Variants in ATXN1 observed in about 807,000 individuals in gnomAD.
ATXN1 encodes ataxin-1.
A neutral mutation model predicts 56.4 loss-of-function variants in ATXN1; 8 were observed. The observed-to-expected ratio is 0.14, with a 90% confidence interval of 0.08 to 0.26. The LOEUF (loss-of-function observed/expected upper bound fraction) is 0.26. Among genes scored for constraint, ATXN1 ranks in the 10% least tolerant of loss-of-function variants. The pLI, the probability that ATXN1 is intolerant of heterozygous loss-of-function variation, is 1.00. For missense variants in ATXN1, 987 were observed against 1,106.5 expected, an observed-to-expected ratio of 0.89 and a Z score of 1.53; for synonymous variants, 514 against 494.6, an observed-to-expected ratio of 1.04 and a Z score of -0.52.
At chr6:16,635,450 A>G (rs1031607086) in intron 3 of ATXN1, among the ~76,000 whole-genome samples, 1 of 152,186 alleles carries the variant, frequency 6.6e-6, no homozygotes, top group African/African-American at 2.4e-5. Context: ...CCCTGGTGCC[A>G]AAAAGGTTAG....
chr6:16,390,827 T>C (rs1459300125), intron 6 of ATXN1, among the ~76,000 whole-genome samples: 1 of 152,036 alleles, frequency 6.6e-6, no homozygotes, highest in Non-Finnish European at 1.5e-5. Flanking sequence ...CTGGCGTCAG[T>C]AACAGGTCCT....
intron 2 of ATXN1, among the ~76,000 whole-genome samples, chr6:16,716,950 T>C (rs559409371): frequency 1.3e-5 from 2 of 152,286 alleles, no homozygotes; most frequent in Admixed American, 1.3e-4. Flanking sequence ...AAGGGACTTA[T>C]AAGAAGGACA....
At chr6:16,587,794 G>A (rs1762652338) in intron 3 of ATXN1, among the ~76,000 whole-genome samples, 1 of 151,978 alleles carries the variant, frequency 6.6e-6, no homozygotes, top group African/African-American at 2.4e-5. Context: ...AGCCAGGCAT[G>A]GTGGTGGGCG....
intron 2 of ATXN1, among the ~76,000 whole-genome samples, chr6:16,673,020 C>CAAAAAAAAAAAAAAAAA (rs559212594): frequency 1.1e-4 from 12 of 105,458 alleles, no homozygotes; most frequent in South Asian, 6.3e-4. Context: ...TCCCCCCCGC[C>CAAAAAAAAAAAAAAAAA]AAAAAAAAAA....
intron 3 of ATXN1, among the ~76,000 whole-genome samples, chr6:16,593,973 AATT>A (rs1327437214): frequency 1.3e-5 from 2 of 148,532 alleles, no homozygotes; most frequent in Non-Finnish European, 3.0e-5. Context: ...ATATTAGTCT[AATT>A]ATTATATATT....
At position 16,326,507 on chromosome 6, in the gene ATXN1, C is replaced by A. The variant is rs1760808820; in HGVS notation, c.1804G>T (p.Ala602Ser). The change falls in exon 7 of 8, where the codon GCA (alanine) becomes TCA (serine). Residue 602 changes from alanine to serine, a missense_variant. Around this residue, in one of 3 missense-constraint regions of ATXN1, gnomAD observed 68 missense variants for 118.1 expected, o/e 0.58. Transcript: ENST00000436367. This position sits in a 1 kb window ranked among gnomAD's most constrained non-coding sequence, Gnocchi z 6.6. Reference protein sequence around the residue: ...DLKTEDFIQSAEISNDLKIDS... With the variant: ...DLKTEDFIQSSEISNDLKIDS... ...ATCTTCAGGTCGTTGCTTATCTCTGCACTCTGGATGAAATCTTCTGTTTTT... is the reference window on the plus strand; with the variant it reads ...ATCTTCAGGTCGTTGCTTATCTCTGAACTCTGGATGAAATCTTCTGTTTTT... 6.2e-7 allele frequency: 1 copy of A among 1,614,198 alleles called. No individual in the cohort carries two copies. Among genetic ancestry groups the A allele is most frequent in the Non-Finnish European group, 8.5e-7 (1 of 1,180,044 alleles).
At position 16,328,562 on chromosome 6, in the gene ATXN1, A is replaced by T; in HGVS notation, c.-160-92T>A. ...GACATCAGAACATGAGCACCGGGGA[A>T]AGAACATCTTTGGCAAGATTAAGAC... is the stretch of plus-strand genomic sequence containing the variant. On this transcript the variant is annotated intron_variant, in intron 6 of 7. Transcript: ENST00000436367. This position sits in a 1 kb window ranked among gnomAD's most constrained non-coding sequence, Gnocchi z 6.2. 1 of 510,230 alleles carries T rather than the reference A, an allele frequency of 2.0e-6. No homozygotes were observed. The allele number at this position is 510,230 out of a possible 1,614,324, so 31.6% of individuals were successfully genotyped here. A position where few individuals can be genotyped will look rare whatever the true frequency, so the allele number is the denominator to read the frequency against.
At chr6:16,646,282 C>T (rs1037372262) in intron 3 of ATXN1, among the ~76,000 whole-genome samples, 2 of 152,156 alleles carry the variant, frequency 1.3e-5, no homozygotes, top group Admixed American at 1.3e-4. Context: ...TAAGTAAATT[C>T]CTGCTAAGAG....
intron 3 of ATXN1, among the ~76,000 whole-genome samples, chr6:16,592,471 G>C (rs1002841837): frequency 6.6e-6 from 1 of 152,082 alleles, no homozygotes; most frequent in African/African-American, 2.4e-5. Flanking sequence ...AAAAGAACAG[G>C]TTTCTCATAA....
chr6:16,673,751 A>G (rs527923295), intron 2 of ATXN1, among the ~76,000 whole-genome samples: 2 of 152,136 alleles, frequency 1.3e-5, no homozygotes, highest in South Asian at 4.1e-4. Flanking sequence ...TCCTGAGCTC[A>G]GGCGATCCTC....
intron 6 of ATXN1, among the ~76,000 whole-genome samples, chr6:16,346,719 TGGC>T (rs1761401687): frequency 6.6e-6 from 1 of 151,502 alleles, no homozygotes; most frequent in African/African-American, 2.5e-5. Context: ...GACAGCATAC[TGGC>T]AGCCCTCACA....
At chr6:16,670,705 G>T (rs553134755) in intron 2 of ATXN1, among the ~76,000 whole-genome samples, 1 of 152,170 alleles carries the variant, frequency 6.6e-6, no homozygotes, top group Non-Finnish European at 1.5e-5. Flanking sequence ...ATTACTGCTT[G>T]AAAGGCCACA....
intron 2 of ATXN1, among the ~76,000 whole-genome samples, chr6:16,742,719 C>G (rs1760384240): frequency 6.6e-6 from 1 of 152,186 alleles, no homozygotes; most frequent in Non-Finnish European, 1.5e-5. Flanking sequence ...TGGATGGTCA[C>G]CCGGCCGGCC....
chr6:16,578,729 G>C (rs1427594535), intron 4 of ATXN1, among the ~76,000 whole-genome samples: 2 of 147,324 alleles, frequency 1.4e-5, no homozygotes, highest in Admixed American at 1.3e-4. Flanking sequence ...GATAACTAGA[G>C]TAGCAGGAAA....
chr6:16,661,335 A>T (rs547868351), intron 2 of ATXN1, among the ~76,000 whole-genome samples: 1 of 152,122 alleles, frequency 6.6e-6, no homozygotes, highest in Non-Finnish European at 1.5e-5. Flanking sequence ...AAATAATTTT[A>T]TAAGCATGAA....
intron 4 of ATXN1, among the ~76,000 whole-genome samples, chr6:16,530,926 C>T (rs1435448295): frequency 6.6e-6 from 1 of 152,178 alleles, no homozygotes; most frequent in Non-Finnish European, 1.5e-5. Context: ...ATGCTTAATA[C>T]TCTTCAACTG....
intron 4 of ATXN1, among the ~76,000 whole-genome samples, chr6:16,540,356 C>T (rs745901600): frequency 1.3e-5 from 2 of 152,090 alleles, no homozygotes; most frequent in South Asian, 2.1e-4. Context: ...GGACTACAGG[C>T]GCGTGCCACC....
At chr6:16,494,353 A>G (rs1191536389) in intron 5 of ATXN1, among the ~76,000 whole-genome samples, 1 of 152,246 alleles carries the variant, frequency 6.6e-6, no homozygotes, top group Non-Finnish European at 1.5e-5. Context: ...TTGGATACCT[A>G]GCATGCACTC....
chr6:16,608,216 T>C (rs1763045712), intron 3 of ATXN1, among the ~76,000 whole-genome samples: 1 of 152,226 alleles, frequency 6.6e-6, no homozygotes, highest in African/African-American at 2.4e-5. Context: ...GCTCTACATC[T>C]GTCTGCCTAT....
Sources: allele counts gnomAD v4.1 joint callset (sites outside exome capture counted in the v4.1 genomes callset), GRCh38; gene constraint gnomAD v4.1.1; regional missense constraint gnomAD v4.1.1; non-coding constraint Gnocchi (gnomAD v3.1); transcripts MANE v1.5; gene names NCBI Gene and HGNC (gene_info 2026-07-23, HGNC 2026-07-21).